The following AP3B1 variants were observed in gnomAD, a reference collection of about 807,000 sequenced individuals.
The protein encoded by AP3B1 is AP-3 complex subunit beta-1.
A neutral mutation model predicts 132.5 loss-of-function variants in AP3B1; 61 were observed. The observed-to-expected ratio is 0.46, with a 90% CI of 0.37 to 0.57. The LOEUF (loss-of-function observed/expected upper bound fraction) is 0.57, where lower values mean the gene tolerates loss of function less well. Ranked by LOEUF, AP3B1 falls within the 20% of genes least tolerant of loss-of-function variation. AP3B1 has a pLI of 0.00. For missense variants in AP3B1, 1,120 were observed against 1,289.4 expected (o/e 0.87, Z 2.01); for synonymous variants, 388 against 438.3 (o/e 0.89, Z 1.43).
chr5:78,132,786 G>A (rs1752744475), intron 15 of AP3B1, among the ~76,000 whole-genome samples: 1 of 152,104 alleles, frequency 6.6e-6, no homozygotes, highest in African/African-American at 2.4e-5. Flanking sequence ...ATGATGGTTG[G>A]TAAATGTCGA....
chr5:78,180,344 C>G (rs1411737761), intron 8 of AP3B1, among the ~76,000 whole-genome samples: 1 of 151,988 alleles, frequency 6.6e-6, no homozygotes, highest in Non-Finnish European at 1.5e-5. Flanking sequence ...TCTTTAAGAA[C>G]ATGTTTAACC....
chr5:78,141,362 A>G (rs1395837045), intron 14 of AP3B1, 43 bp from the exon 15 acceptor site: 2 of 1,479,588 alleles, frequency 1.4e-6, no homozygotes, highest in Admixed American at 3.4e-5. Context: ...TAAGTTAATC[A>G]TACTCTAATA....
intron 3 of AP3B1, among the ~76,000 whole-genome samples, chr5:78,235,437 T>A (rs1376943242): frequency 6.6e-6 from 1 of 152,218 alleles, no homozygotes; most frequent in Non-Finnish European, 1.5e-5. Flanking sequence ...TTACTCACTA[T>A]TGGAGAAGGA....
In AP3B1 at chr5:78,129,311, T is replaced by C. The variant is rs371534102; in HGVS notation, c.1651-4A>G. The C allele has an allele frequency of 6.2e-6, 10 of 1,607,482 alleles. No individual in the cohort carries two copies. Among genetic ancestry groups the C allele is most frequent in the African/African-American group, 1.3e-5 (1 of 74,896 alleles). ...TGTACTGGGTAAGCAATTTTGTCTG[T>C]TGGAAAAAAACAGATCAAGATGAGA... On this transcript the variant is annotated splice_polypyrimidine_tract_variant and splice_region_variant and intron_variant, in intron 15 of 26. Transcript: ENST00000255194.
chr5:78,287,584 C>T (rs1263647706), intron 1 of AP3B1, among the ~76,000 whole-genome samples: 2 of 152,052 alleles, frequency 1.3e-5, no homozygotes, highest in Admixed American at 6.5e-5. Context: ...AACTTACGAT[C>T]TTATTTTTAT....
At chr5:78,258,056 A>T (rs1022438249) in intron 2 of AP3B1, among the ~76,000 whole-genome samples, 1 of 152,222 alleles carries the variant, frequency 6.6e-6, no homozygotes, top group African/African-American at 2.4e-5. Context: ...CCATGAAACT[A>T]CTACAACAAA....
chr5:78,224,059 A>G (rs1746300670), intron 6 of AP3B1, among the ~76,000 whole-genome samples: 1 of 152,170 alleles, frequency 6.6e-6, no homozygotes, highest in Non-Finnish European at 1.5e-5. Flanking sequence ...TATAATAGAA[A>G]AGCACTAAGT....
intron 14 of AP3B1, among the ~76,000 whole-genome samples, chr5:78,150,971 T>G (rs1052819348): frequency 2.0e-5 from 3 of 152,116 alleles, no homozygotes; most frequent in Admixed American, 2.0e-4. Flanking sequence ...CAGACTGGAG[T>G]GCAGTGGCAC....
chr5:78,121,680 C>G (rs553742942), intron 17 of AP3B1: 15 of 152,210 alleles, frequency 9.9e-5, no homozygotes, highest in Admixed American at 9.8e-4. Flanking sequence ...CGATAACAGG[C>G]TCTGAAATTG....
chr5:78,111,742 T>G (rs1310055090), intron 19 of AP3B1, among the ~76,000 whole-genome samples: 2 of 152,168 alleles, frequency 1.3e-5, no homozygotes, highest in African/African-American at 4.8e-5. Flanking sequence ...CTCTACCACA[T>G]GTGTGTGTAT....
At position 78,167,481 on chromosome 5, in the gene AP3B1, C is replaced by T. The variant is rs560229170; in HGVS notation, c.1168-1809G>A. Among the ~76,000 whole-genome samples the T allele has an allele frequency of 6.6e-4, 101 of 152,208 alleles. 1 individual carries two copies. In the South Asian group the frequency reaches 0.019, roughly 28 times the overall value. On this transcript the variant is annotated intron_variant, in intron 11 of 26. Coordinates refer to ENST00000255194, the MANE Select transcript of AP3B1 (RefSeq NM_003664.5). Reference sequence around the variant, plus strand: ...ACTACTGTTTGATCCAGCAATCCCACCAGTAGGTATCTACCCAGAGGAAAA... The same window carrying T: ...ACTACTGTTTGATCCAGCAATCCCATCAGTAGGTATCTACCCAGAGGAAAA...
At chr5:78,092,809 C>T (rs559129477) in intron 21 of AP3B1, among the ~76,000 whole-genome samples, 1 of 151,810 alleles carries the variant, frequency 6.6e-6, no homozygotes, top group Non-Finnish European at 1.5e-5. Context: ...CACCATGCCC[C>T]GCTAATTTTT....
intron 23 of AP3B1, among the ~76,000 whole-genome samples, chr5:78,035,789 G>C (rs1289346463): frequency 6.6e-6 from 1 of 152,056 alleles, no homozygotes; most frequent in African/African-American, 2.4e-5. Context: ...TCAAATACTA[G>C]AAGACTTGCT....
intron 7 of AP3B1, among the ~76,000 whole-genome samples, chr5:78,206,081 A>ATTTT (rs1292686523): frequency 6.6e-5 from 10 of 152,170 alleles, no homozygotes; most frequent in African/African-American, 2.4e-4. Flanking sequence ...CATTTCCACA[A>ATTTT]CAAATTTTAA....
chr5:78,207,257 CAA>C (rs35228759), intron 7 of AP3B1, among the ~76,000 whole-genome samples: 36,299 of 115,908 alleles, frequency 0.31, 4,847 homozygotes, highest in Middle Eastern at 0.36. Context: ...GACTCAGTGT[CAA>C]AAAAAAAAAA....
At chr5:78,165,280 G>C (rs550613826) in intron 12 of AP3B1, among the ~76,000 whole-genome samples, 1 of 152,172 alleles carries the variant, frequency 6.6e-6, no homozygotes, top group African/African-American at 2.4e-5. Context: ...AAATGAAACC[G>C]TTTTCATGAC....
chr5:78,176,745 G>A (rs946935471), intron 9 of AP3B1, among the ~76,000 whole-genome samples: 1 of 152,032 alleles, frequency 6.6e-6, no homozygotes, highest in African/African-American at 2.4e-5. Flanking sequence ...ATTATAAAGA[G>A]GTAAAATCAA....
rs754562140 is a variant in AP3B1 at position 78,141,337 on chromosome 5, T to A, written c.1474-18A>T. The A allele has an allele frequency of 1.1e-5, 18 of 1,605,166 alleles. No homozygotes were observed. The East Asian group carries it at 2.9e-4, about 26-fold the overall frequency. On this transcript the variant is annotated intron_variant, in intron 14 of 26. Transcript: ENST00000255194. The stretch of plus-strand genomic sequence containing the variant: ...ACAGGAACCTAATATGAGAAGCAGA[T>A]TACATAGTTAGAAGTAAGTTAATCA...
rs1748375011 is a variant in AP3B1, at chr5:78,267,535, C to A, written c.189G>T (p.Met63Ile). 1.2e-6 allele frequency: 2 copies of A among 1,610,900 alleles called. No individual in the cohort carries two copies. Among genetic ancestry groups the A allele is most frequent in the Non-Finnish European group, 8.5e-7 (1 of 1,178,158 alleles). ...TTTTACCTACCCCAACAATCCGCTT[C>A]ATAGCATCCAGTTTAGCAGAATCTT... ...SNKDSAKLDA[M>I]KRIVGMIAKG... The change falls in exon 2 of 27, where the codon ATG (methionine) becomes ATT (isoleucine). Residue 63 changes from methionine to isoleucine, a missense_variant. Met to Ile is a conservative substitution (Grantham distance 10). Around this residue, in one of 3 missense-constraint regions of AP3B1, gnomAD observed 85 missense variants for 79.9 expected, o/e 1.06. Coordinates refer to ENST00000255194, the MANE Select transcript of AP3B1 (RefSeq NM_003664.5).
Sources: gnomAD v4.1 joint callset for allele counts (sites outside exome capture counted in the v4.1 genomes callset) on GRCh38, gnomAD v4.1.1 for gene constraint, gnomAD v4.1.1 regional missense constraint, MANE v1.5 for transcripts, NCBI Gene and HGNC (gene_info 2026-07-23, HGNC 2026-07-21) for gene names.